Variants in FYCO1 observed in about 807,000 individuals in gnomAD.
FYCO1 encodes the protein FYVE and coiled-coil domain autophagy adaptor 1, also known as FYVE and coiled-coil domain-containing protein 1.
A neutral mutation model predicts 165.1 loss-of-function variants in FYCO1; 122 were observed. That is an observed-to-expected ratio of 0.74 (90% confidence interval 0.64 to 0.86). The LOEUF (loss-of-function observed/expected upper bound fraction) is 0.86. Ranked by LOEUF, FYCO1 falls within the 40% of genes least tolerant of loss-of-function variation. The pLI is 0.00. For missense variants in FYCO1, 1,702 were observed against 1,810.3 expected (o/e 0.94, Z 1.09); for synonymous variants, 648 against 742.5 (o/e 0.87, Z 2.07).
intron 14 of FYCO1, among the ~76,000 whole-genome samples, chr3:45,937,788 T>C (rs4683154): frequency 0.033 from 4,974 of 152,102 alleles, 284 homozygotes; most frequent in African/African-American, 0.11. Flanking sequence ...CCCAACCCCC[T>C]CTCTGTCTTC....
At chr3:45,980,452 G>T (rs1706989334) in intron 3 of FYCO1, among the ~76,000 whole-genome samples, 1 of 152,072 alleles carries the variant, frequency 6.6e-6, no homozygotes, top group African/African-American at 2.4e-5. Context: ...TTTTATCCCA[G>T]TTACTCAACA....
chr3:45,934,871 A>G (rs1392762231), intron 15 of FYCO1, among the ~76,000 whole-genome samples: 1 of 152,204 alleles, frequency 6.6e-6, no homozygotes, highest in Non-Finnish European at 1.5e-5. Context: ...ATTCCCAGAC[A>G]CAGGCCCATT....
chr3:45,923,770 G>T lies in FYCO1; in HGVS notation c.4252-5C>A. The T allele has an allele frequency of 6.2e-7, 1 of 1,604,572 alleles. No homozygotes were observed. The highest frequency in any genetic ancestry group is 1.1e-5 in the South Asian group (1 of 90,890). Reference sequence around the variant, plus strand: ...TCGGGTCGTGGGAATGAGGACCTGGGAGGGAAAGCAGGTAGGCAAAAACAT... The same window carrying T: ...TCGGGTCGTGGGAATGAGGACCTGGTAGGGAAAGCAGGTAGGCAAAAACAT... On this transcript the variant is annotated splice_region_variant and splice_polypyrimidine_tract_variant and intron_variant, in intron 16 of 17. Transcript: ENST00000296137.
chr3:45,948,098 A>G (rs1379869668), intron 14 of FYCO1: 1 of 167,534 alleles, frequency 6.0e-6, no homozygotes, highest in Non-Finnish European at 1.5e-5. Context: ...AAACTGAATT[A>G]TAAGAGGCTG....
chr3:45,935,493 C>T (rs544998749), intron 15 of FYCO1, among the ~76,000 whole-genome samples: 2 of 152,302 alleles, frequency 1.3e-5, no homozygotes, highest in East Asian at 3.9e-4. Flanking sequence ...TTTCTCAGCC[C>T]CTGAACATGT....
rs771271094 is a variant in FYCO1, at chr3:45,959,518, C to T, written c.3462G>A (p.Lys1154=). ...LLRDKDALWQ[K]SDALEFQQKL... The stretch of plus-strand genomic sequence containing the variant: ...TCTGCTGGAATTCCAGGGCATCTGA[C>T]TTCTGCCAGAGAGCATCCTTGTCCC... The change falls in exon 12 of 18, where the codon AAG becomes AAA. Residue 1154 remains lysine, a synonymous_variant. Coordinates refer to ENST00000296137, the MANE Select transcript of FYCO1 (RefSeq NM_024513.4). 1 of 1,614,188 alleles carries T rather than the reference C, an allele frequency of 6.2e-7. No individual in the cohort carries two copies. The highest frequency in any genetic ancestry group is 2.2e-5 in the East Asian group (1 of 44,866).
In FYCO1 at chr3:45,993,655, T is replaced by C. The variant is rs1204912969; in HGVS notation, c.-113+2067A>G. On this transcript the variant is annotated intron_variant, in intron 1 of 17. Coordinates refer to ENST00000296137, the MANE Select transcript of FYCO1 (RefSeq NM_024513.4). The surrounding 1 kb of genome is among the most constrained non-coding windows in gnomAD (Gnocchi z 4.4). ...TTGCCCTGACCATAATGGACTCATCTGTGCTCACAAGTTGCCTCTGTAATC... is the reference window on the plus strand; with the variant it reads ...TTGCCCTGACCATAATGGACTCATCCGTGCTCACAAGTTGCCTCTGTAATC... 6.6e-6 allele frequency among the ~76,000 whole-genome samples: 1 copy of C among 152,246 alleles called. No individual in the cohort carries two copies. Among genetic ancestry groups the C allele is most frequent in the African/African-American group, 2.4e-5 (1 of 41,456 alleles).
chr3:45,966,748 C>T lies in FYCO1; in HGVS notation c.2586G>A (p.Glu862=). Residue 862 remains glutamate (E), a synonymous_variant, in exon 8 of 18, where the codon GAG becomes GAA. Coordinates refer to ENST00000296137, the MANE Select transcript of FYCO1 (RefSeq NM_024513.4). ...EGALQEERAD[E]AQQREEELRA... ...GCAGCTCCTCCTCCCTCTGCTGGGC[C>T]TCATCGGCCCTCTCCTCCTGCAGTG... 6.2e-7 allele frequency: 1 copy of T among 1,610,888 alleles called. No homozygotes were observed. The highest frequency in any genetic ancestry group is 8.5e-7 in the Non-Finnish European group (1 of 1,179,972).
chr3:45,974,702 C>T (rs1046550128), intron 5 of FYCO1, among the ~76,000 whole-genome samples: 1 of 152,184 alleles, frequency 6.6e-6, no homozygotes, highest in Non-Finnish European at 1.5e-5. Context: ...CAATCCCTGC[C>T]TCTCTCCTCC....
intron 14 of FYCO1, among the ~76,000 whole-genome samples, chr3:45,951,302 G>C (rs1705009461): frequency 6.6e-6 from 1 of 152,186 alleles, no homozygotes; most frequent in Admixed American, 6.5e-5. Flanking sequence ...CTAGGGGTGA[G>C]TGCTGTTCCA....
rs2125852210 is a variant in FYCO1 at position 45,967,973 on chromosome 3, G to A, written c.1361C>T (p.Pro454Leu). The A allele has an allele frequency of 6.2e-7, 1 of 1,614,118 alleles. No homozygotes were observed. Among genetic ancestry groups the A allele is most frequent in the South Asian group, 1.1e-5 (1 of 91,084 alleles). Residue 454 changes from proline to leucine, a missense_variant, in exon 8 of 18, where the codon CCA (proline) becomes CTA (leucine). Transcript: ENST00000296137. ...SLERLVKEMA[P>L]LQEELSGKGQ... The stretch of plus-strand genomic sequence containing the variant: ...CTTCCCAGACAACTCCTCCTGGAGT[G>A]GGGCCATCTCCTTCACCAGGCGCTC...
chr3:45,938,648 C>T (rs987904461), intron 14 of FYCO1, among the ~76,000 whole-genome samples: 1 of 152,208 alleles, frequency 6.6e-6, no homozygotes, highest in Non-Finnish European at 1.5e-5. Flanking sequence ...CACATACCAC[C>T]ACACCCAGCT....
At chr3:45,938,846 C>T (rs1429276083) in intron 14 of FYCO1, among the ~76,000 whole-genome samples, 2 of 152,140 alleles carry the variant, frequency 1.3e-5, no homozygotes, top group Non-Finnish European at 2.9e-5. Context: ...GGTAGCCGTG[C>T]AAAATGTATT....
intron 15 of FYCO1, among the ~76,000 whole-genome samples, chr3:45,935,281 C>T (rs1419882302): frequency 6.6e-6 from 1 of 152,218 alleles, no homozygotes; most frequent in Non-Finnish European, 1.5e-5. Flanking sequence ...CTATTCTCTA[C>T]ATGGCAATCA....
chr3:45,979,655 T>C, intron 4 of FYCO1, 50 bp downstream of exon 4: 1 of 1,610,124 alleles, frequency 6.2e-7, no homozygotes, highest in East Asian at 2.2e-5. Flanking sequence ...AGAGCTGCTT[T>C]AAGCAGGCAA....
chr3:45,975,472 G>A (rs923896434), intron 4 of FYCO1, 127 bp from the exon 5 acceptor site: 29 of 718,394 alleles, frequency 4.0e-5, no homozygotes, highest in South Asian at 8.9e-5. Flanking sequence ...TACCCTATAC[G>A]TTGTCCTTCA....
intron 14 of FYCO1, chr3:45,947,603 G>A (rs1158942804): frequency 1.5e-5 from 14 of 962,856 alleles, no homozygotes; most frequent in South Asian, 9.4e-5. Context: ...TATAGCTTGC[G>A]CATTCTCATG....
intron 16 of FYCO1, 125 bp downstream of exon 16, chr3:45,930,946 C>G (rs903370138): frequency 3.4e-6 from 3 of 893,368 alleles, no homozygotes; most frequent in Admixed American, 4.0e-5. Flanking sequence ...TGATACTGCC[C>G]AGAACATTCC....
rs1373952777 is a variant in FYCO1 at position 45,935,435 on chromosome 3, A to C, written c.4040+1013T>G. Among the ~76,000 whole-genome samples the C allele has an allele frequency of 2.0e-5, 3 of 151,816 alleles. No homozygotes were observed. The East Asian group carries it at 5.8e-4, about 29-fold the overall frequency. The stretch of plus-strand genomic sequence containing the variant: ...CCTATGTGCTGGGACCCTCATTTCC[A>C]CTCTGACTCCACCTCCTGGTTCTCT... On this transcript the variant is annotated intron_variant, in intron 15 of 17. Transcript: ENST00000296137.
Sources: gnomAD v4.1 joint callset for allele counts (sites outside exome capture counted in the v4.1 genomes callset) on GRCh38, gnomAD v4.1.1 for gene constraint, Gnocchi (gnomAD v3.1) non-coding constraint, MANE v1.5 for transcripts, NCBI Gene and HGNC (gene_info 2026-07-23, HGNC 2026-07-21) for gene names.